Variants in ZNF563 observed in about 807,000 individuals in gnomAD.
ZNF563 encodes the protein zinc finger protein 563.
ZNF563 carries 39 observed loss-of-function variants against 48.5 expected under a neutral mutation model. The ratio of observed to expected loss-of-function variants is 0.80; its 90% CI spans 0.62 to 1.05. ZNF563 has a LOEUF of 1.05. Among genes scored for constraint, ZNF563 ranks in the 50% least tolerant of loss-of-function variants. The pLI is 0.00. For missense variants in ZNF563, 538 were observed against 597.0 expected (o/e 0.90, Z 1.03); for synonymous variants, 168 against 187.9 (o/e 0.89, Z 0.87).
At chr19:12,319,895 T>A in intron 3 of ZNF563, 62 bp from the exon 4 acceptor site, 1 of 1,465,912 alleles carries the variant, frequency 6.8e-7, no homozygotes, top group Non-Finnish European at 9.2e-7. Context: ...TATTTATGTG[T>A]ATTAATAGGT....
chr19:12,320,990 A>G (rs1180706802), intron 3 of ZNF563, among the ~76,000 whole-genome samples: 5 of 152,030 alleles, frequency 3.3e-5, no homozygotes, highest in Middle Eastern at 3.4e-3. Context: ...AAATACAAAA[A>G]TTAACGAGGT....
the ZNF563 span, among the ~76,000 whole-genome samples, chr19:12,342,779 TA>T: frequency 8.9e-3 from 854 of 96,150 alleles, 1 homozygote; most frequent in Non-Finnish European, 0.013. Flanking sequence ...TCTCAAAAAT[TA>T]AAAAAAAAAA....
chr19:12,333,749 T>C (rs959644647), upstream of ZNF563: 14 of 520,580 alleles, frequency 2.7e-5, no homozygotes, highest in Admixed American at 2.4e-4. Flanking sequence ...ATAGCTCTGA[T>C]TGGATAGGGC....
At chr19:12,342,146 G>A in the ZNF563 span, among the ~76,000 whole-genome samples, 2 of 151,830 alleles carry the variant, frequency 1.3e-5, no homozygotes, top group African/African-American at 4.8e-5. Context: ...TAAGTATTTG[G>A]GACCACAGGC....
chr19:12,318,720 G>C lies in ZNF563; in HGVS notation c.1305C>G (p.Ser435Arg). The C allele has an allele frequency of 6.2e-7, 1 of 1,614,166 alleles. No individual in the cohort carries two copies. The highest frequency in any genetic ancestry group is 8.5e-7 in the Non-Finnish European group (1 of 1,180,036). ...TATGCATTACCATATGTCTTCGAAA[G>C]CTTGAGCTATGAGATAACGCTTTCC... ...QCGKALSHSS[S>R]FRRHMVMHTG... Residue 435 changes from serine (S) to arginine (R), a missense_variant, in exon 4 of 4, where the codon AGC becomes AGG. Transcript: ENST00000293725.
intron 1 of ZNF563, among the ~76,000 whole-genome samples, chr19:12,325,134 G>T (rs969553141): frequency 9.9e-5 from 15 of 152,152 alleles, no homozygotes; most frequent in Admixed American, 3.3e-4. Flanking sequence ...GCTGAAAAAT[G>T]GTGCAAAATA....
intron 1 of ZNF563, among the ~76,000 whole-genome samples, chr19:12,329,668 A>G (rs938662868): frequency 6.6e-6 from 1 of 152,138 alleles, no homozygotes; most frequent in Non-Finnish European, 1.5e-5. Context: ...GATAAATTAC[A>G]TGGAATGGAC....
chr19:12,332,507 C>T (rs1402488497), intron 1 of ZNF563, among the ~76,000 whole-genome samples: 1 of 151,994 alleles, frequency 6.6e-6, no homozygotes, highest in Non-Finnish European at 1.5e-5. Context: ...TGTGACACCA[C>T]GTCTGGCTAA....
chr19:12,333,200 C>CTGGGGAGA (rs1358514561), intron 1 of ZNF563, among the ~76,000 whole-genome samples: 1 of 152,230 alleles, frequency 6.6e-6, no homozygotes. Context: ...TCCCCCAATC[C>CTGGGGAGA]TGGGGAGATG....
chr19:12,343,638 C>G, the ZNF563 span, among the ~76,000 whole-genome samples: 4 of 151,958 alleles, frequency 2.6e-5, no homozygotes, highest in South Asian at 8.3e-4. Flanking sequence ...TGAGGCCAGC[C>G]TCACTTTGAG....
In ZNF563 at chr19:12,333,599, C is replaced by G; in HGVS notation, c.-117G>C. The G allele has an allele frequency of 6.9e-7, 1 of 1,451,204 alleles. No individual in the cohort carries two copies. The highest frequency in any genetic ancestry group is 1.3e-5 in the South Asian group (1 of 78,632). 89.9% of individuals were successfully genotyped at this position (1,451,204 alleles called of 1,614,324 possible). A position where few individuals can be genotyped will look rare whatever the true frequency, so the allele number is the denominator to read the frequency against. ...GGGCGTCTCTCAGCGACTGAGGCTA[C>G]ACAGACGTTCCAGGGCGTCTCTCAG... On this transcript the variant is annotated 5_prime_UTR_variant, in exon 1 of 4. Transcript: ENST00000293725.
Position 12,321,202 on chromosome 19 carries a change from G to A in ZNF563, c.191+70C>T, listed in dbSNP as rs1327552895. The A allele has an allele frequency of 4.4e-5, 50 of 1,132,164 alleles. No homozygotes were observed. The Admixed American group carries it at 1.2e-3, about 26-fold the overall frequency. 70.1% of individuals were successfully genotyped at this position (1,132,164 alleles called of 1,614,324 possible). ...TAAGCTGGACTTGTTCATTTTCTTT[G>A]TTTTTAAAATTTCCTTTTACTCTGA... On this transcript the variant is annotated intron_variant, in intron 3 of 3. Transcript: ENST00000293725.
chr19:12,346,698 T>C, the ZNF563 span: 1 of 152,184 alleles, frequency 6.6e-6, no homozygotes, highest in African/African-American at 2.4e-5. Context: ...AAACAACCCA[T>C]GTTTATCAAC....
At chr19:12,323,008 TCAAAGTCCTACTGA>T (rs555256700) in intron 1 of ZNF563, among the ~76,000 whole-genome samples, 3 of 152,170 alleles carry the variant, frequency 2.0e-5, no homozygotes, top group Non-Finnish European at 4.4e-5. Flanking sequence ...GTAGTTCTTG[TCAAAGTCCTACTGA>T]CAAAGTCCTA....
At chr19:12,328,601 C>T (rs947041162) in intron 1 of ZNF563, among the ~76,000 whole-genome samples, 1 of 151,856 alleles carries the variant, frequency 6.6e-6, no homozygotes, top group Admixed American at 6.6e-5. Flanking sequence ...GGAGAAACCC[C>T]GTGTCTACTA....
At chr19:12,334,682 A>G, upstream of ZNF563, among the ~76,000 whole-genome samples, 1 of 152,244 alleles carries the variant, frequency 6.6e-6, no homozygotes, top group Non-Finnish European at 1.5e-5. Context: ...CAGCCTGGCC[A>G]ACATGGTGAA....
In ZNF563 at chr19:12,319,409, A is replaced by G. The variant is rs923454641; in HGVS notation, c.616T>C (p.Phe206Leu). 1 of 1,614,242 alleles carries G rather than the reference A, an allele frequency of 6.2e-7. No individual in the cohort carries two copies. The highest frequency in any genetic ancestry group is 1.3e-5 in the African/African-American group (1 of 75,076). ...ATACGTAATAAACTGGGCCAAAAAAAAGCTTTCCCACACAACTTACATTTA... is the reference window on the plus strand; with the variant it reads ...ATACGTAATAAACTGGGCCAAAAAAGAGCTTTCCCACACAACTTACATTTA... ...PYKCKLCGKA[F>L]FWPSLLRMHE... is the part of the protein sequence containing the mutation. Residue 206 changes from phenylalanine (F) to leucine (L), a missense_variant, in exon 4 of 4, where the codon TTT becomes CTT. Coordinates refer to ENST00000293725, the MANE Select transcript of ZNF563 (RefSeq NM_145276.3).
intron 1 of ZNF563, among the ~76,000 whole-genome samples, chr19:12,325,309 G>A (rs565043206): frequency 3.3e-5 from 5 of 151,982 alleles, no homozygotes; most frequent in Non-Finnish European, 5.9e-5. Context: ...GTGAAACCCC[G>A]TCTCTACTAA....
chr19:12,347,063 A>G, the ZNF563 span: 10 of 152,352 alleles, frequency 6.6e-5, no homozygotes, highest in African/African-American at 2.4e-4. Flanking sequence ...AGAGGCTTCC[A>G]GATGAGCAGT....
Sources: allele counts gnomAD v4.1 joint callset (sites outside exome capture counted in the v4.1 genomes callset), GRCh38; gene constraint gnomAD v4.1.1; transcripts MANE v1.5; gene names NCBI Gene and HGNC (gene_info 2026-07-23, HGNC 2026-07-21).